ARAP2: variants seen among roughly 807,000 people sequenced by gnomAD.
ARAP2 encodes the protein arf-GAP with Rho-GAP domain, ANK repeat and PH domain-containing protein 2.
A neutral mutation model predicts 194.5 loss-of-function variants in ARAP2; 148 were observed. That is an observed-to-expected ratio of 0.76 (90% CI 0.67 to 0.87). The LOEUF is 0.87. Among genes scored for constraint, ARAP2 ranks in the 40% least tolerant of loss-of-function variants. The pLI, the probability that ARAP2 is intolerant of heterozygous loss-of-function variation, is 0.00. For synonymous variants in ARAP2, 695 were observed against 683.5 expected, an observed-to-expected ratio of 1.02 and a Z score of -0.26; for missense variants, 2,128 against 1,989.7, an observed-to-expected ratio of 1.07 and a Z score of -1.32.
intron 23 of ARAP2, 62 bp from the exon 24 acceptor site, chr4:36,119,780 T>C (rs962989694): frequency 9.5e-6 from 11 of 1,160,914 alleles, no homozygotes; most frequent in Admixed American, 1.9e-5. Flanking sequence ...ATGACACTCA[T>C]CCTCATGTAA....
At chr4:36,064,206 CT>C (rs3055214), downstream of ARAP2, among the ~76,000 whole-genome samples, 19,554 of 143,992 alleles carry the variant, frequency 0.14, 2,403 homozygotes, top group African/African-American at 0.32. Context: ...TTTTTTCTTT[CT>C]TTTTTTTTTT....
chr4:36,136,379 T>A lies in ARAP2; in HGVS notation c.3264-2990A>T, dbSNP rs553222871. Among the ~76,000 whole-genome samples the A allele has an allele frequency of 3.3e-3, 506 of 151,902 alleles. 5 individuals carry two copies. Among genetic ancestry groups the A allele is most frequent in the Non-Finnish European group, 2.0e-3 (135 of 67,852 alleles). On this transcript the variant is annotated intron_variant, in intron 19 of 32. Coordinates refer to ENST00000303965, the MANE Select transcript of ARAP2 (RefSeq NM_015230.4). ...CACTTCAAAGCCATATAAAGAAAAA[T>A]TCTTATTTGCTATAATGAATCAAGA...
chr4:36,216,521 A>G (rs1398471336), intron 2 of ARAP2, among the ~76,000 whole-genome samples: 2 of 152,230 alleles, frequency 1.3e-5, no homozygotes, highest in East Asian at 3.8e-4. Flanking sequence ...TCTTATAAAA[A>G]TAAATAGTCA....
At chr4:36,071,990 A>T (rs895321499) in intron 32 of ARAP2, among the ~76,000 whole-genome samples, 4 of 151,808 alleles carry the variant, frequency 2.6e-5, no homozygotes, top group African/African-American at 9.7e-5. Flanking sequence ...ATTTTAACTC[A>T]CTTTTCATTT....
intron 32 of ARAP2, among the ~76,000 whole-genome samples, chr4:36,072,658 AAAAAAAAACAAAAAAAAAACCCC>A (rs1727279370): frequency 3.8e-5 from 5 of 131,612 alleles, no homozygotes; most frequent in African/African-American, 1.4e-4. Context: ...TTTATTACCT[AAAAAAAAACAAAAAAAAAACCCC>A]AAAAAAAACA....
At chr4:36,071,813 T>C (rs979272178) in intron 32 of ARAP2, among the ~76,000 whole-genome samples, 5 of 151,730 alleles carry the variant, frequency 3.3e-5, no homozygotes, top group South Asian at 2.1e-4. Flanking sequence ...ACTCGTCATC[T>C]AGCATTAGGT....
At chr4:36,115,722 A>G (rs559058092) in intron 25 of ARAP2, among the ~76,000 whole-genome samples, 5 of 152,094 alleles carry the variant, frequency 3.3e-5, no homozygotes, top group Admixed American at 2.0e-4. Flanking sequence ...TGCTTCATCT[A>G]CCTCCATGGG....
chr4:36,113,193 T>C (rs1407475577), intron 26 of ARAP2, among the ~76,000 whole-genome samples: 1 of 151,948 alleles, frequency 6.6e-6, no homozygotes, highest in Non-Finnish European at 1.5e-5. Context: ...TGGGAGGTCA[T>C]AGGAGTCATT....
chr4:36,109,084 C>T (rs543510991), intron 26 of ARAP2, among the ~76,000 whole-genome samples: 1 of 151,912 alleles, frequency 6.6e-6, no homozygotes, highest in South Asian at 2.1e-4. Flanking sequence ...ATAAATATAT[C>T]ACATCCTCCC....
At chr4:36,055,843 C>T (rs755307671) in intron 2 of ARAP2, among the ~76,000 whole-genome samples, 12 of 152,152 alleles carry the variant, frequency 7.9e-5, no homozygotes, top group Non-Finnish European at 1.6e-4. Context: ...GGATTACAGG[C>T]GTGAGCCACT....
chr4:36,052,344 T>A (rs1722802670), intron 2 of ARAP2, among the ~76,000 whole-genome samples: 1 of 152,194 alleles, frequency 6.6e-6, no homozygotes, highest in Admixed American at 6.5e-5. Context: ...AACCTAAATT[T>A]ATTCTAAGTT....
At chr4:36,135,845 A>T (rs2109630533) in intron 19 of ARAP2, among the ~76,000 whole-genome samples, 1 of 151,952 alleles carries the variant, frequency 6.6e-6, no homozygotes, top group South Asian at 2.1e-4. Context: ...GCTTATAAAC[A>T]ACTACAACGG....
At chr4:36,178,037 T>A in intron 8 of ARAP2, 32 bp from the exon 9 acceptor site, 1 of 1,551,586 alleles carries the variant, frequency 6.4e-7, no homozygotes, top group Non-Finnish European at 8.7e-7. Context: ...AATACATAAA[T>A]CCACATATAA....
At chr4:36,240,228 A>G (rs1753256742) in intron 1 of ARAP2, among the ~76,000 whole-genome samples, 1 of 152,230 alleles carries the variant, frequency 6.6e-6, no homozygotes, top group Admixed American at 6.5e-5. Context: ...CACCCATTGT[A>G]TACAATATTG....
chr4:36,032,418 A>G (rs5013275), intron 5 of ARAP2, among the ~76,000 whole-genome samples: 28 of 152,290 alleles, frequency 1.8e-4, no homozygotes, highest in African/African-American at 6.3e-4. Context: ...AAATAAATTC[A>G]CTTTTTTATT....
At chr4:36,060,532 T>G (rs976830815) in intron 1 of ARAP2, among the ~76,000 whole-genome samples, 2 of 152,216 alleles carry the variant, frequency 1.3e-5, no homozygotes, top group African/African-American at 2.4e-5. Context: ...GGACTAATTA[T>G]TTCAAGTACC....
rs750513670 is a variant in ARAP2 at position 36,147,567 on chromosome 4, T to G, written c.3180A>C (p.Leu1060Phe). Residue 1060 changes from leucine to phenylalanine, a missense_variant, in exon 18 of 33, where the codon TTA becomes TTC. Physicochemically the swap from Leu to Phe is conservative, Grantham distance 22. Coordinates refer to ENST00000303965, the MANE Select transcript of ARAP2 (RefSeq NM_015230.4). Reference sequence around the variant, plus strand: ...TCTTACTTAGCTCTTGCAGTCTTCTTAAGTGCATTCTATCTCCCTGAACTT... The same window carrying G: ...TCTTACTTAGCTCTTGCAGTCTTCTGAAGTGCATTCTATCTCCCTGAACTT... ...MQEVQGDRMH[L>F]RRLQELTIST... The G allele has an allele frequency of 1.2e-6, 2 of 1,612,986 alleles. No individual in the cohort carries two copies. Among genetic ancestry groups the G allele is most frequent in the East Asian group, 4.5e-5 (2 of 44,848 alleles).
intron 6 of ARAP2, among the ~76,000 whole-genome samples, chr4:36,205,074 T>C (rs1374931712): frequency 6.9e-6 from 1 of 144,364 alleles, no homozygotes; most frequent in Non-Finnish European, 1.5e-5. Flanking sequence ...AAACTAAACA[T>C]TGTCAATGAA....
intron 8 of ARAP2, among the ~76,000 whole-genome samples, chr4:36,182,308 C>T (rs140884871): frequency 1.6e-4 from 24 of 152,120 alleles, no homozygotes; most frequent in African/African-American, 5.3e-4. Flanking sequence ...CTGGCTAACA[C>T]GGTGAAACCC....
Sources: allele counts gnomAD v4.1 joint callset (sites outside exome capture counted in the v4.1 genomes callset), GRCh38; gene constraint gnomAD v4.1.1; transcripts MANE v1.5; gene names NCBI Gene and HGNC (gene_info 2026-07-23, HGNC 2026-07-21).